The following CDH4 variants were observed in gnomAD, a reference collection of about 807,000 sequenced individuals.
The protein encoded by CDH4 is cadherin 4.
In CDH4, 33 loss-of-function variants were observed where a neutral mutation model predicts 86.0. That is an observed-to-expected ratio of 0.38 (90% confidence interval 0.29 to 0.51). The LOEUF (loss-of-function observed/expected upper bound fraction) is 0.51, where lower values mean the gene tolerates loss of function less well. Ranked by LOEUF, CDH4 falls within the 20% of genes least tolerant of loss-of-function variation. The pLI, the probability that CDH4 is intolerant of heterozygous loss-of-function variation, is 0.86. For synonymous variants in CDH4, 555 were observed against 549.4 expected (o/e 1.01, Z -0.14); for missense variants, 1,114 against 1,307.4 (o/e 0.85, Z 2.28).
intron 2 of CDH4, among the ~76,000 whole-genome samples, chr20:61,695,697 CA>C (rs1568761090): frequency 6.6e-6 from 1 of 152,222 alleles, no homozygotes. Context: ...GAGGCAGTCA[CA>C]GTGTCTGAGA....
intron 2 of CDH4, among the ~76,000 whole-genome samples, chr20:61,496,956 A>ATTTTTTT (rs59603072): frequency 3.7e-5 from 4 of 108,588 alleles, no homozygotes; most frequent in East Asian, 5.7e-4. Flanking sequence ...TTGGGGATTG[A>ATTTTTTT]TTTTTTTTTT....
At chr20:61,319,860 C>T (rs1376905320) in intron 2 of CDH4, among the ~76,000 whole-genome samples, 3 of 150,766 alleles carry the variant, frequency 2.0e-5, no homozygotes, top group African/African-American at 4.9e-5. Flanking sequence ...GAGGTTGAGG[C>T]GGGAGAATCA....
chr20:61,924,358 G>T lies in CDH4; in HGVS notation c.1653G>T (p.Ala551=), dbSNP rs372808555. 7.8e-4 allele frequency: 1,250 copies of T among 1,611,816 alleles called. 26 individuals are homozygous for T. In the South Asian group the frequency reaches 0.013, roughly 17 times the overall value. The change falls in exon 11 of 16, where the codon GCG becomes GCT. Residue 551 remains alanine (A), a synonymous_variant. Transcript: ENST00000614565. The part of the protein sequence containing the change: ...AVRYSKLSDP[A]SWLHINATNG... ...GATACTCAAAGCTGTCAGACCCAGC[G>T]AGCTGGCTGCACATCAATGCCACCA...
intron 2 of CDH4, among the ~76,000 whole-genome samples, chr20:61,671,849 G>A (rs1568746651): frequency 6.6e-6 from 1 of 150,798 alleles, no homozygotes; most frequent in Non-Finnish European, 1.5e-5. Context: ...ATGGGTGGAA[G>A]GTGGATGGAT....
chr20:61,736,181 G>A (rs550291045), intron 2 of CDH4, among the ~76,000 whole-genome samples: 60 of 152,252 alleles, frequency 3.9e-4, no homozygotes, highest in African/African-American at 1.3e-3. Context: ...AGGTTATCTC[G>A]CTGGCCGAGG....
chr20:61,607,540 C>A (rs2086654604), intron 2 of CDH4, among the ~76,000 whole-genome samples: 1 of 152,166 alleles, frequency 6.6e-6, no homozygotes, highest in Non-Finnish European at 1.5e-5. Flanking sequence ...AGCTGCAAAA[C>A]AGGCAACGAT....
At position 61,936,986 on chromosome 20, in the gene CDH4, C is replaced by T. The variant is rs752281534; in HGVS notation, c.*43C>T. 22 of 1,512,282 alleles carry T rather than the reference C, an allele frequency of 1.5e-5. No homozygotes were observed. The highest frequency in any genetic ancestry group is 1.8e-4 in the Middle Eastern group (1 of 5,646). The allele number at this position is 1,512,282 out of a possible 1,614,324, so 93.7% of individuals were successfully genotyped here. ...GACCGAAGTGAGAGCCGTGCTCGGA[C>T]GCCGGAGGAGCAGGACTGAGCAGAG... is the stretch of plus-strand genomic sequence containing the variant. On this transcript the variant is annotated 3_prime_UTR_variant, in exon 16 of 16. Transcript: ENST00000614565.
intron 2 of CDH4, among the ~76,000 whole-genome samples, chr20:61,291,784 G>T (rs1387131049): frequency 6.6e-6 from 1 of 152,040 alleles, no homozygotes; most frequent in Non-Finnish European, 1.5e-5. Context: ...ACATGTGAAG[G>T]TTTGTCACAC....
chr20:61,609,848 T>A (rs1221404685), intron 2 of CDH4, among the ~76,000 whole-genome samples: 1 of 152,234 alleles, frequency 6.6e-6, no homozygotes, highest in Non-Finnish European at 1.5e-5. Flanking sequence ...GTGTTTTTCT[T>A]CTATTTTTTT....
intron 2 of CDH4, among the ~76,000 whole-genome samples, chr20:61,722,714 G>C (rs1434816889): frequency 6.6e-6 from 1 of 151,666 alleles, no homozygotes; most frequent in Non-Finnish European, 1.5e-5. Flanking sequence ...CAAGATCTGG[G>C]AGCAGTTTGG....
At chr20:61,444,579 G>C (rs2085335938) in intron 2 of CDH4, among the ~76,000 whole-genome samples, 1 of 151,788 alleles carries the variant, frequency 6.6e-6, no homozygotes, top group African/African-American at 2.4e-5. Context: ...ATCTGTGTCT[G>C]TGTGTATATC....
At chr20:61,930,614 C>A (rs577990062) in intron 13 of CDH4, among the ~76,000 whole-genome samples, 2 of 152,186 alleles carry the variant, frequency 1.3e-5, no homozygotes, top group Admixed American at 1.3e-4. Context: ...ACCTGGCCTG[C>A]GGCTGACTTG....
Position 61,280,239 on chromosome 20 carries a change from CG to C in CDH4, c.169+25306del, listed in dbSNP as rs201334465. On this transcript the variant is annotated intron_variant, in intron 2 of 15. Transcript: ENST00000614565. ...CCAGGGTACACATAGGGTGATGGTG[CG>C]GGGAGTTGCATGGGAATGATGGCAT... 3.7e-3 allele frequency among the ~76,000 whole-genome samples: 561 copies of C among 152,132 alleles called. 4 individuals are homozygous for C. Among genetic ancestry groups the C allele is most frequent in the African/African-American group, 0.013 (539 of 41,498 alleles).
intron 3 of CDH4, among the ~76,000 whole-genome samples, chr20:61,765,085 C>T (rs1379557751): frequency 6.6e-6 from 1 of 152,190 alleles, no homozygotes; most frequent in Non-Finnish European, 1.5e-5. Flanking sequence ...CCCTGGGAGC[C>T]TCAGGCCCCC....
At chr20:61,553,439 T>C (rs941394277) in intron 2 of CDH4, among the ~76,000 whole-genome samples, 5 of 152,246 alleles carry the variant, frequency 3.3e-5, no homozygotes, top group African/African-American at 1.2e-4. Context: ...GTATGCGAAG[T>C]GTATCTTAAT....
chr20:61,447,943 T>C (rs2085361217), intron 2 of CDH4, among the ~76,000 whole-genome samples: 2 of 152,182 alleles, frequency 1.3e-5, no homozygotes, highest in Non-Finnish European at 2.9e-5. Flanking sequence ...TTCTCTTACT[T>C]TCCCAACACT....
rs540991321 is a variant in CDH4, at chr20:61,857,945, CTCTGTG to C, written c.877+5055_877+5060del. ...TGTCAGTGTGTGTCTGTCTGTGTGT[CTCTGTG>C]TCTGTGTGTGTCTCTGTGTGTCTCT... On this transcript the variant is annotated intron_variant, in intron 6 of 15. Coordinates refer to ENST00000614565, the MANE Select transcript of CDH4 (RefSeq NM_001794.5). Among the ~76,000 whole-genome samples the C allele has an allele frequency of 4.2e-3, 626 of 150,262 alleles. 17 individuals carry two copies. The highest frequency in any genetic ancestry group is 0.035 in the Admixed American group (523 of 15,140).
intron 2 of CDH4, among the ~76,000 whole-genome samples, chr20:61,693,398 A>G (rs1405828976): frequency 6.6e-6 from 1 of 152,100 alleles, no homozygotes; most frequent in Non-Finnish European, 1.5e-5. Context: ...CTTTAGCTTG[A>G]CTTCTGATGA....
chr20:61,553,071 A>C (rs571082203), intron 2 of CDH4, among the ~76,000 whole-genome samples: 2 of 152,244 alleles, frequency 1.3e-5, no homozygotes, highest in Non-Finnish European at 2.9e-5. Flanking sequence ...AGATAACCAA[A>C]GGTGGCATCC....
Sources: gnomAD v4.1 joint callset for allele counts (sites outside exome capture counted in the v4.1 genomes callset) on GRCh38, gnomAD v4.1.1 for gene constraint, MANE v1.5 for transcripts, NCBI Gene and HGNC (gene_info 2026-07-23, HGNC 2026-07-21) for gene names.